The following PLAAT4 variants were observed in gnomAD, a reference collection of about 807,000 sequenced individuals.
The protein encoded by PLAAT4 is phospholipase A and acyltransferase 4.
Under a neutral mutation model 14.1 loss-of-function variants are expected in PLAAT4, and 12 were observed. That is an observed-to-expected ratio of 0.85 (90% CI 0.54 to 1.37). The LOEUF is 1.37. Ranked by LOEUF, PLAAT4 falls within the 40% of genes most tolerant of loss-of-function variation. The probability of loss-of-function intolerance (pLI) is 0.00; values close to 1 mark genes in which losing one functional copy is unlikely to be tolerated. For missense variants in PLAAT4, 163 were observed against 211.7 expected, an observed-to-expected ratio of 0.77 and a Z score of 1.43; for synonymous variants, 77 against 79.8, an observed-to-expected ratio of 0.96 and a Z score of 0.19.
intron 1 of PLAAT4, among the ~76,000 whole-genome samples, 176 bp downstream of exon 1, chr11:63,537,053 G>A (rs921684420): frequency 6.6e-6 from 1 of 152,194 alleles, no homozygotes; most frequent in African/African-American, 2.4e-5. Context: ...GCTGGACAGG[G>A]AGTCCTCTGG....
chr11:63,544,958 C>A (rs199864477), intron 3 of PLAAT4, 69 bp downstream of exon 3: 1 of 1,603,168 alleles, frequency 6.2e-7, no homozygotes, highest in Non-Finnish European at 8.5e-7. Context: ...TGCAGCCAGG[C>A]GATCACTGTG....
At chr11:63,539,064 G>A (rs2017298929) in intron 1 of PLAAT4, among the ~76,000 whole-genome samples, 1 of 152,158 alleles carries the variant, frequency 6.6e-6, no homozygotes, top group Admixed American at 6.5e-5. Flanking sequence ...TGGGGCCATG[G>A]AGAGGCACAG....
At chr11:63,542,132 AG>A (rs2017326555) in intron 2 of PLAAT4, among the ~76,000 whole-genome samples, 1 of 152,226 alleles carries the variant, frequency 6.6e-6, no homozygotes, top group African/African-American at 2.4e-5. Flanking sequence ...CTTATTTAAA[AG>A]TATCGCCTTA....
At chr11:63,544,504 T>A in intron 2 of PLAAT4, 117 bp from the exon 3 acceptor site, 2 of 1,323,954 alleles carry the variant, frequency 1.5e-6, no homozygotes, top group Non-Finnish European at 2.1e-6. Flanking sequence ...GCAAAATCTG[T>A]GAATCCTTCA....
intron 3 of PLAAT4, chr11:63,545,102 AG>A: frequency 1.5e-6 from 1 of 653,444 alleles, no homozygotes; most frequent in Non-Finnish European, 2.6e-6. Context: ...CCATGTGCAG[AG>A]GAGGGGGTGG....
chr11:63,544,036 G>A (rs2017342353), intron 2 of PLAAT4, among the ~76,000 whole-genome samples: 1 of 152,180 alleles, frequency 6.6e-6, no homozygotes, highest in African/African-American at 2.4e-5. Context: ...GATTAAATTA[G>A]GAAGTATGTG....
Position 63,543,397 on chromosome 11 carries a change from G to A in PLAAT4, c.119-1224G>A, listed in dbSNP as rs749406632. 1.1e-3 allele frequency among the ~76,000 whole-genome samples: 168 copies of A among 152,244 alleles called. 1 individual carries two copies. The highest frequency in any genetic ancestry group is 1.7e-3 in the Non-Finnish European group (116 of 68,044). ...GCAGTCTTGACCTCCCCGAGTTCAG[G>A]CCAGGTGATCCTCCCACATCAGCCT... On this transcript the variant is annotated intron_variant, in intron 2 of 3. Coordinates refer to ENST00000255688, the MANE Select transcript of PLAAT4 (RefSeq NM_004585.5).
At chr11:63,540,587 A>C (rs1347059615) in intron 2 of PLAAT4, among the ~76,000 whole-genome samples, 2 of 152,198 alleles carry the variant, frequency 1.3e-5, no homozygotes, top group Non-Finnish European at 2.9e-5. Flanking sequence ...GCACTTTGGG[A>C]GGCCAAGGCG....
intron 2 of PLAAT4, among the ~76,000 whole-genome samples, chr11:63,540,012 G>A (rs959511593): frequency 1.1e-4 from 16 of 152,228 alleles, no homozygotes; most frequent in African/African-American, 3.6e-4. Context: ...AGTTAAGCAA[G>A]GGAAACTTGA....
chr11:63,536,963 T>A, intron 1 of PLAAT4, 86 bp downstream of exon 1: 1 of 1,481,018 alleles, frequency 6.8e-7, no homozygotes. Context: ...GCTCCTGGCC[T>A]TGGGCACACA....
Position 63,544,876 on chromosome 11 carries a change from C to T in PLAAT4, c.374C>T (p.Ser125Phe), listed in dbSNP as rs771852401. ...GTCACCCAGCTGAGATATGGCAAGT[C>T]CCGCTGTAAACAGGTAAGGACCTCT... Reference protein sequence around the residue: ...HFVTQLRYGKSRCKQVEKAKV... With the variant: ...HFVTQLRYGKFRCKQVEKAKV... Residue 125 changes from serine to phenylalanine, a missense_variant, in exon 3 of 4, where the codon TCC becomes TTC. Coordinates refer to ENST00000255688, the MANE Select transcript of PLAAT4 (RefSeq NM_004585.5). 3.7e-6 allele frequency: 6 copies of T among 1,614,080 alleles called. No homozygotes were observed. Among genetic ancestry groups the T allele is most frequent in the Non-Finnish European group, 5.1e-6 (6 of 1,180,054 alleles).
At chr11:63,545,008 G>A in intron 3 of PLAAT4, 119 bp downstream of exon 3, 3 of 1,425,162 alleles carry the variant, frequency 2.1e-6, no homozygotes, top group Non-Finnish European at 3.0e-6. Flanking sequence ...TGCTGGCTGA[G>A]AGTCAGGACC....
chr11:63,543,812 G>A (rs2134359241), intron 2 of PLAAT4, among the ~76,000 whole-genome samples: 1 of 152,318 alleles, frequency 6.6e-6, no homozygotes, highest in East Asian at 1.9e-4. Flanking sequence ...GCCTAGAACT[G>A]TGCCAGATTG....
intron 3 of PLAAT4, 21 bp from the exon 4 acceptor site, chr11:63,546,128 C>A (rs1450832491): frequency 1.2e-6 from 2 of 1,602,434 alleles, no homozygotes; most frequent in African/African-American, 2.7e-5. Context: ...GAACGCTCAA[C>A]AAAAGCTGCT....
chr11:63,538,986 G>A (rs35519197), intron 1 of PLAAT4, among the ~76,000 whole-genome samples: 269 of 152,258 alleles, frequency 1.8e-3, no homozygotes, highest in African/African-American at 5.9e-3. Context: ...CTGTCTCCCA[G>A]GGTGTCATCT....
rs766338551 is a variant in PLAAT4 at position 63,539,482 on chromosome 11, G to T, written c.10-34G>T. Reference sequence around the variant, plus strand: ...CAGGGTCTCTGCTGTTGCCTAGAAGGCCGGGTACTCCATCTCTGGCTTTTC... The same window carrying T: ...CAGGGTCTCTGCTGTTGCCTAGAAGTCCGGGTACTCCATCTCTGGCTTTTC... On this transcript the variant is annotated intron_variant, in intron 1 of 3. Transcript: ENST00000255688. 7.0e-6 allele frequency: 11 copies of T among 1,570,564 alleles called. No individual in the cohort carries two copies. The East Asian group carries it at 9.0e-5, about 13-fold the overall frequency.
chr11:63,544,547 T>G, intron 2 of PLAAT4, 74 bp from the exon 3 acceptor site: 3 of 1,475,150 alleles, frequency 2.0e-6, no homozygotes, highest in Non-Finnish European at 2.8e-6. Flanking sequence ...CACCAGTAGT[T>G]CCTTAGTGGA....
intron 2 of PLAAT4, among the ~76,000 whole-genome samples, chr11:63,540,572 T>A (rs2017313453): frequency 6.6e-6 from 1 of 152,144 alleles, no homozygotes; most frequent in Non-Finnish European, 1.5e-5. Flanking sequence ...ACTCCTATAA[T>A]CCCAGCACTT....
chr11:63,545,058 G>A, intron 3 of PLAAT4, 169 bp downstream of exon 3: 1 of 949,034 alleles, frequency 1.1e-6, no homozygotes. Context: ...ATCCACAGAG[G>A]GTCTTTGGAC....
Sources: allele counts gnomAD v4.1 joint callset (sites outside exome capture counted in the v4.1 genomes callset), GRCh38; gene constraint gnomAD v4.1.1; transcripts MANE v1.5; gene names NCBI Gene and HGNC (gene_info 2026-07-23, HGNC 2026-07-21).